SLC6A20: variants seen among roughly 807,000 people sequenced by gnomAD.
SLC6A20 encodes the protein sodium- and chloride-dependent transporter XTRP3.
A neutral mutation model predicts 64.3 loss-of-function variants in SLC6A20; 73 were observed. The observed-to-expected ratio is 1.14, with a 90% confidence interval of 0.94 to 1.38. The LOEUF is 1.38. SLC6A20 is among the 40% of genes most tolerant of loss of function. The pLI, the probability that SLC6A20 is intolerant of heterozygous loss-of-function variation, is 0.00. For synonymous variants in SLC6A20, 347 were observed against 329.6 expected (o/e 1.05, Z -0.57); for missense variants, 725 against 772.8 (o/e 0.94, Z 0.73).
At chr3:45,768,337 A>AAAAAAAAAAGG (rs1699806815) in intron 7 of SLC6A20, among the ~76,000 whole-genome samples, 2 of 151,786 alleles carry the variant, frequency 1.3e-5, no homozygotes. Context: ...AAAAAAAAAG[A>AAAAAAAAAAGG]ACAAAGCAAC....
intron 1 of SLC6A20, among the ~76,000 whole-genome samples, chr3:45,782,621 T>TTCCGTCCA: frequency 6.9e-6 from 1 of 144,668 alleles, no homozygotes; most frequent in East Asian, 2.1e-4. Flanking sequence ...ATTTCCATAT[T>TTCCGTCCA]TCCATCCATC....
At chr3:45,793,568 T>G (rs1025629632) in intron 1 of SLC6A20, among the ~76,000 whole-genome samples, 3 of 152,032 alleles carry the variant, frequency 2.0e-5, no homozygotes, top group Non-Finnish European at 4.4e-5. Context: ...AGAATTAACA[T>G]TCCTCATGCC....
Position 45,758,806 on chromosome 3 carries a change from G to T in SLC6A20, c.*172C>A, listed in dbSNP as rs913816584. The stretch of plus-strand genomic sequence containing the variant: ...AGGGAGGAACAGCCACCACGGGAGG[G>T]TGTGCGTTCTCCCAAGGGAGTTTTC... On this transcript the variant is annotated 3_prime_UTR_variant, in exon 11 of 11. Coordinates refer to ENST00000358525, the MANE Select transcript of SLC6A20 (RefSeq NM_020208.4). 7.4e-7 allele frequency: 1 copy of T among 1,357,286 alleles called. No homozygotes were observed. Among genetic ancestry groups the T allele is most frequent in the Non-Finnish European group, 9.5e-7 (1 of 1,053,618 alleles). 84.1% of individuals were successfully genotyped at this position (1,357,286 alleles called of 1,614,324 possible).
intron 10 of SLC6A20, among the ~76,000 whole-genome samples, 196 bp from the exon 11 acceptor site, chr3:45,759,323 C>T (rs562655687): frequency 6.6e-6 from 1 of 152,232 alleles, no homozygotes; most frequent in African/African-American, 2.4e-5. Flanking sequence ...CCTTCTTTTT[C>T]TTCCATAAAC....
intron 1 of SLC6A20, among the ~76,000 whole-genome samples, chr3:45,788,745 C>G (rs1035341399): frequency 2.6e-5 from 4 of 152,164 alleles, no homozygotes; most frequent in Non-Finnish European, 5.9e-5. Flanking sequence ...GTAGCTAACT[C>G]ATGTGGCTAC....
intron 1 of SLC6A20, 119 bp from the exon 2 acceptor site, chr3:45,782,342 C>T: frequency 7.4e-7 from 1 of 1,351,586 alleles, no homozygotes; most frequent in Non-Finnish European, 9.9e-7. Context: ...ATGCATTCTC[C>T]TACCTTTCCA....
At chr3:45,778,237 C>A (rs925546179) in intron 3 of SLC6A20, among the ~76,000 whole-genome samples, 8 of 152,224 alleles carry the variant, frequency 5.3e-5, no homozygotes, top group African/African-American at 1.9e-4. Context: ...TCCAACCCCA[C>A]CAGCTATGAG....
At chr3:45,761,552 C>T (rs1699682857) in intron 9 of SLC6A20, among the ~76,000 whole-genome samples, 1 of 152,132 alleles carries the variant, frequency 6.6e-6, no homozygotes, top group Non-Finnish European at 1.5e-5. Flanking sequence ...CTCTTTCTCC[C>T]TCTAGACTGG....
rs1333415850 is a variant in SLC6A20 at position 45,757,932 on chromosome 3, T to C, written c.*1046A>G. The stretch of plus-strand genomic sequence containing the variant: ...GAGCCACTTTTTTTTTTTTTTTTTT[T>C]TGAGTCAGAGTCTTGCTCTGTCGCC... On this transcript the variant is annotated 3_prime_UTR_variant, in exon 11 of 11. Coordinates refer to ENST00000358525, the MANE Select transcript of SLC6A20 (RefSeq NM_020208.4). The C allele has an allele frequency of 2.7e-5, 4 of 149,126 alleles. No homozygotes were observed. Among genetic ancestry groups the C allele is most frequent in the Non-Finnish European group, 5.9e-5 (4 of 67,844 alleles). 9.2% of individuals were successfully genotyped at this position (149,126 alleles called of 1,614,324 possible).
intron 7 of SLC6A20, among the ~76,000 whole-genome samples, chr3:45,769,219 G>A (rs1304749669): frequency 6.6e-6 from 1 of 152,284 alleles, no homozygotes; most frequent in East Asian, 1.9e-4. Flanking sequence ...AAAGTTAGCT[G>A]AAGAATGTTT....
chr3:45,759,774 T>A, intron 10 of SLC6A20, 83 bp downstream of exon 10: 1 of 1,479,414 alleles, frequency 6.8e-7, no homozygotes. Context: ...ATGGAAATAG[T>A]CCCCTGGTTT....
chr3:45,781,984 C>T, intron 2 of SLC6A20, 99 bp downstream of exon 2: 1 of 1,420,180 alleles, frequency 7.0e-7, no homozygotes, highest in Non-Finnish European at 9.3e-7. Context: ...GGGCCTTGTG[C>T]TCGCCCCTTG....
In SLC6A20 at chr3:45,758,621, C is replaced by CA. The variant is rs754052090; in HGVS notation, c.*356dup. The CA allele has an allele frequency of 1.8e-6, 2 of 1,110,284 alleles. No homozygotes were observed. Among genetic ancestry groups the CA allele is most frequent in the Non-Finnish European group, 2.2e-6 (2 of 904,828 alleles). The allele number at this position is 1,110,284 out of a possible 1,614,324, so 68.8% of individuals were successfully genotyped here. A position where few individuals can be genotyped will look rare whatever the true frequency, so the allele number is the denominator to read the frequency against. On this transcript the variant is annotated 3_prime_UTR_variant, in exon 11 of 11. Coordinates refer to ENST00000358525, the MANE Select transcript of SLC6A20 (RefSeq NM_020208.4). Reference sequence around the variant, plus strand: ...TCTAATATTTTGGTGTCTCTTCAGCCAAAAACAAAAATTGCTTAAATTTGG... The same window carrying CA: ...TCTAATATTTTGGTGTCTCTTCAGCCAAAAAACAAAAATTGCTTAAATTTGG...
In SLC6A20 at chr3:45,758,876, ATGGGCTGAGCACTCC is replaced by A; in HGVS notation, c.*87_*101del. 7.0e-7 allele frequency: 1 copy of A among 1,429,000 alleles called. No homozygotes were observed. The highest frequency in any genetic ancestry group is 9.2e-7 in the Non-Finnish European group (1 of 1,088,688). The allele number at this position is 1,429,000 out of a possible 1,614,324, so 88.5% of individuals were successfully genotyped here. A position where few individuals can be genotyped will look rare whatever the true frequency, so the allele number is the denominator to read the frequency against. ...TCTTCTTTAGACACTCAGGAAGTTG[ATGGGCTGAGCACTCC>A]TGGCTTAAGCATTTGAAAAAGCAGC... is the stretch of plus-strand genomic sequence containing the variant. On this transcript the variant is annotated 3_prime_UTR_variant, in exon 11 of 11. Transcript: ENST00000358525.
At chr3:45,761,338 C>G (rs569537878) in intron 9 of SLC6A20, among the ~76,000 whole-genome samples, 84 of 151,882 alleles carry the variant, frequency 5.5e-4, no homozygotes, top group East Asian at 9.7e-4. Flanking sequence ...AGCCGAAGCA[C>G]TCCCCTCCTG....
At chr3:45,762,556 G>C (rs1699702175) in intron 9 of SLC6A20, among the ~76,000 whole-genome samples, 1 of 152,236 alleles carries the variant, frequency 6.6e-6, no homozygotes, top group African/African-American at 2.4e-5. Context: ...ACTGGACTTT[G>C]GTCAGGGTTC....
chr3:45,764,971 C>T (rs768057251), intron 8 of SLC6A20, among the ~76,000 whole-genome samples: 5 of 151,740 alleles, frequency 3.3e-5, no homozygotes, highest in South Asian at 2.1e-4. Context: ...CCAGCACTTT[C>T]GGAGGCTGAG....
In SLC6A20 at chr3:45,775,768, G is replaced by A. The variant is rs759029194; in HGVS notation, c.575C>T (p.Thr192Ile). The A allele has an allele frequency of 1.2e-6, 2 of 1,613,350 alleles. No homozygotes were observed. The highest frequency in any genetic ancestry group is 1.7e-5 in the Admixed American group (1 of 60,002). ...YLCILRGTESTGKVVYFTASL... is the reference protein window; with the variant it reads ...YLCILRGTESIGKVVYFTASL... ...TGTGCCTCACTGTCCCACCTTGCCA[G>A]TGGACTCGGTGCCACGCAGGATGCA... The change falls in exon 4 of 11, where the codon ACT (threonine) becomes ATT (isoleucine). Residue 192 changes from threonine (T) to isoleucine (I), a missense_variant. Transcript: ENST00000358525.
In SLC6A20 at chr3:45,769,695, TGAAAAAA is replaced by T. The variant is rs199920873; in HGVS notation, c.1098+507_1098+513del. 1.2e-4 allele frequency among the ~76,000 whole-genome samples: 19 copies of T among 152,088 alleles called. No homozygotes were observed. In the East Asian group the frequency reaches 3.5e-3, roughly 28 times the overall value. ...TGACATAGGAGTGCAAAAGGCTTGTTGAAAAAAGAAAAAATAAAACAAAAACTGCCAA... is the reference window on the plus strand; with the variant it reads ...TGACATAGGAGTGCAAAAGGCTTGTTGAAAAAATAAAACAAAAACTGCCAA... On this transcript the variant is annotated intron_variant, in intron 7 of 10. Transcript: ENST00000358525.
Sources: allele counts gnomAD v4.1 joint callset (sites outside exome capture counted in the v4.1 genomes callset), GRCh38; gene constraint gnomAD v4.1.1; transcripts MANE v1.5; gene names NCBI Gene and HGNC (gene_info 2026-07-23, HGNC 2026-07-21).